The following ATP13A4 variants were observed in gnomAD, a reference collection of about 807,000 sequenced individuals.
The protein encoded by ATP13A4 is ATPase 13A4, also known as probable cation-transporting ATPase 13A4.
A neutral mutation model predicts 142.5 loss-of-function variants in ATP13A4; 114 were observed. The ratio of observed to expected loss-of-function variants is 0.80; its 90% confidence interval spans 0.69 to 0.93. The LOEUF is 0.93. Among genes scored for constraint, ATP13A4 ranks in the 40% least tolerant of loss-of-function variants. ATP13A4 has a pLI of 0.00. For missense variants in ATP13A4, 1,392 were observed against 1,454.0 expected (o/e 0.96, Z 0.69); for synonymous variants, 488 against 514.8 (o/e 0.95, Z 0.70).
At chr3:193,560,289 C>A (rs1045354173) in intron 2 of ATP13A4, among the ~76,000 whole-genome samples, 6 of 151,558 alleles carry the variant, frequency 4.0e-5, no homozygotes, top group Non-Finnish European at 5.9e-5. Context: ...GTTCACTGCA[C>A]CCTCAATCTC....
chr3:193,457,378 C>T lies in ATP13A4; in HGVS notation c.1761+1G>A, dbSNP rs778610176. The T allele has an allele frequency of 8.1e-6, 13 of 1,614,138 alleles. No individual in the cohort carries two copies. In the South Asian group the frequency reaches 1.3e-4, roughly 16 times the overall value. ...TGGGGTGAAGAGCAAGCAGGGCTTA[C>T]CTGGCTGGCTGTTCTGCAGGGCTTA... On this transcript the variant is annotated splice_donor_variant, in intron 15 of 29. Coordinates refer to ENST00000342695, the MANE Select transcript of ATP13A4 (RefSeq NM_032279.4). LOFTEE classifies it high-confidence loss of function.
chr3:193,424,223 G>A (rs1193730862), intron 25 of ATP13A4, among the ~76,000 whole-genome samples: 3 of 148,968 alleles, frequency 2.0e-5, no homozygotes, highest in African/African-American at 7.4e-5. Context: ...TAATTGATTG[G>A]AAGAATTAAT....
At chr3:193,455,021 A>G (rs1026929221) in intron 16 of ATP13A4, among the ~76,000 whole-genome samples, 3 of 152,102 alleles carry the variant, frequency 2.0e-5, no homozygotes, top group African/African-American at 7.2e-5. Context: ...TTACAAAAAG[A>G]AAAAAACAAA....
chr3:193,424,386 A>G (rs1434783901), intron 25 of ATP13A4, among the ~76,000 whole-genome samples: 1 of 149,802 alleles, frequency 6.7e-6, no homozygotes, highest in Non-Finnish European at 1.5e-5. Context: ...ACTCTTCAGC[A>G]AAAAGAATAA....
chr3:193,456,911 G>A, intron 16 of ATP13A4, 89 bp downstream of exon 16: 3 of 1,485,278 alleles, frequency 2.0e-6, no homozygotes, highest in African/African-American at 1.4e-5. Flanking sequence ...ATGACCCATA[G>A]GCGATTGAAT....
intron 28 of ATP13A4, among the ~76,000 whole-genome samples, chr3:193,409,847 A>G (rs574616289): frequency 6.8e-4 from 104 of 152,340 alleles, no homozygotes; most frequent in Non-Finnish European, 1.3e-3. Flanking sequence ...CTGATACGCA[A>G]TGATCAGTCA....
intron 1 of ATP13A4, among the ~76,000 whole-genome samples, chr3:193,541,235 C>A (rs1488910004): frequency 1.5e-4 from 14 of 94,366 alleles, no homozygotes; most frequent in East Asian, 2.6e-4. Flanking sequence ...GGCGACAGAG[C>A]GAGACTCCTT....
intron 1 of ATP13A4, among the ~76,000 whole-genome samples, chr3:193,527,974 C>T (rs984937050): frequency 2.0e-5 from 3 of 152,304 alleles, no homozygotes; most frequent in African/African-American, 4.8e-5. Flanking sequence ...TGACAGCTTG[C>T]AACCCCCTTA....
intron 2 of ATP13A4, among the ~76,000 whole-genome samples, chr3:193,511,923 C>A (rs1440428210): frequency 6.6e-6 from 1 of 152,188 alleles, no homozygotes; most frequent in African/African-American, 2.4e-5. Flanking sequence ...TTTTAATTCA[C>A]TCTTAGTGGA....
At chr3:193,442,654 C>T in intron 18 of ATP13A4, 98 bp from the exon 19 acceptor site, 1 of 1,228,124 alleles carries the variant, frequency 8.1e-7, no homozygotes, top group Non-Finnish European at 1.2e-6. Context: ...GTCCTTATTT[C>T]AGGTATGAAG....
chr3:193,575,770 T>C (rs1452154651), intron 2 of ATP13A4, among the ~76,000 whole-genome samples: 1 of 152,218 alleles, frequency 6.6e-6, no homozygotes, highest in Non-Finnish European at 1.5e-5. Context: ...TTTTGTTTTG[T>C]TTTTAAATTT....
At chr3:193,486,671 C>T (rs1487129828) in intron 7 of ATP13A4, among the ~76,000 whole-genome samples, 1 of 152,004 alleles carries the variant, frequency 6.6e-6, no homozygotes, top group African/African-American at 2.4e-5. Context: ...GTGGGGATAT[C>T]AAATAGGTTG....
intron 8 of ATP13A4, among the ~76,000 whole-genome samples, chr3:193,480,113 C>T (rs1208292857): frequency 6.6e-6 from 1 of 152,058 alleles, no homozygotes; most frequent in Admixed American, 6.6e-5. Flanking sequence ...AAAATCAACT[C>T]AAGATGGATC....
intron 18 of ATP13A4, 69 bp downstream of exon 18, chr3:193,448,137 T>G (rs891286768): frequency 1.3e-6 from 2 of 1,597,358 alleles, no homozygotes; most frequent in Non-Finnish European, 1.7e-6. Context: ...CAACATTTAT[T>G]AAATGAGTGA....
At chr3:193,545,544 G>A (rs1482472254) in intron 1 of ATP13A4, among the ~76,000 whole-genome samples, 1 of 152,142 alleles carries the variant, frequency 6.6e-6, no homozygotes, top group Admixed American at 6.5e-5. Flanking sequence ...AGCTTACCAA[G>A]GTTTATATGA....
At chr3:193,534,437 A>C (rs897157936) in intron 1 of ATP13A4, among the ~76,000 whole-genome samples, 3 of 152,232 alleles carry the variant, frequency 2.0e-5, no homozygotes, top group African/African-American at 7.2e-5. Flanking sequence ...TTATCTGATA[A>C]GGATTTTAAA....
At chr3:193,439,468 C>T (rs374149377) in intron 21 of ATP13A4, among the ~76,000 whole-genome samples, 62 of 152,134 alleles carry the variant, frequency 4.1e-4, no homozygotes, top group African/African-American at 1.1e-3. Context: ...TATTTTGCTA[C>T]GAAGGGCTAT....
chr3:193,507,767 A>G (rs1184368118), intron 2 of ATP13A4, among the ~76,000 whole-genome samples: 1 of 152,190 alleles, frequency 6.6e-6, no homozygotes, highest in Non-Finnish European at 1.5e-5. Flanking sequence ...ACTAATGCCC[A>G]TGGAATGCCT....
intron 1 of ATP13A4, among the ~76,000 whole-genome samples, chr3:193,550,738 G>T (rs913862999): frequency 2.0e-5 from 3 of 152,032 alleles, no homozygotes; most frequent in Non-Finnish European, 2.9e-5. Flanking sequence ...GAATTCAAAG[G>T]TTTTTTTATT....
Sources: gnomAD v4.1 joint callset for allele counts (sites outside exome capture counted in the v4.1 genomes callset) on GRCh38, gnomAD v4.1.1 for gene constraint, MANE v1.5 for transcripts, NCBI Gene and HGNC (gene_info 2026-07-23, HGNC 2026-07-21) for gene names.